Variants in CAMK2G observed in about 807,000 individuals in gnomAD.
CAMK2G encodes calcium/calmodulin-dependent protein kinase type II subunit gamma.
Under a neutral mutation model 88.7 loss-of-function variants are expected in CAMK2G, and 23 were observed. The ratio of observed to expected loss-of-function variants is 0.26; its 90% CI spans 0.19 to 0.37. The LOEUF (loss-of-function observed/expected upper bound fraction) is 0.37. CAMK2G is among the 10% of genes least tolerant of loss of function. The pLI, the probability that CAMK2G is intolerant of heterozygous loss-of-function variation, is 1.00. For missense variants in CAMK2G, 476 were observed against 780.8 expected (o/e 0.61, Z 4.65); for synonymous variants, 263 against 294.8 (o/e 0.89, Z 1.11).
At chr10:73,847,447 T>G in intron 9 of CAMK2G, 100 bp from the exon 10 acceptor site, 1 of 1,297,846 alleles carries the variant, frequency 7.7e-7, no homozygotes, top group Non-Finnish European at 1.1e-6. Context: ...TGGGATACTC[T>G]GTGGTACCTA....
intron 2 of CAMK2G, among the ~76,000 whole-genome samples, chr10:73,865,431 C>A (rs1466167538): frequency 6.6e-6 from 1 of 152,210 alleles, no homozygotes; most frequent in African/African-American, 2.4e-5. Context: ...CTACCTGCCC[C>A]GCTCTCCCCG....
At chr10:73,861,018 A>C (rs1004242174) in intron 2 of CAMK2G, 129 bp from the exon 3 acceptor site, 3 of 697,954 alleles carry the variant, frequency 4.3e-6, no homozygotes, top group Middle Eastern at 4.9e-4. Context: ...TAATGCAGCA[A>C]GTCATGGCAA....
intron 21 of CAMK2G, chr10:73,816,019 T>G: frequency 2.0e-6 from 2 of 985,302 alleles, no homozygotes; most frequent in Non-Finnish European, 2.4e-6. Context: ...AGTTTATATA[T>G]GTAGCTGAGA....
rs1258408147 is a variant in CAMK2G at position 73,874,418 on chromosome 10, T to C, written c.44A>G (p.Gln15Arg). 1 of 1,514,006 alleles carries C rather than the reference T, an allele frequency of 6.6e-7. No homozygotes were observed. Among genetic ancestry groups the C allele is most frequent in the Non-Finnish European group, 8.9e-7 (1 of 1,121,672 alleles). The allele number at this position is 1,514,006 out of a possible 1,614,324, so 93.8% of individuals were successfully genotyped here. A position where few individuals can be genotyped will look rare whatever the true frequency, so the allele number is the denominator to read the frequency against. ...ATCTRFTDDY[Q>R]LFEELGKGAF... ...GTACTTGCCAAGCTCCTCGAAGAGC[T>C]GGTAGTCGTCGGTGAAACGGGTGCA... The change falls in exon 1 of 23, where the codon CAG becomes CGG. Residue 15 changes from glutamine (Q) to arginine (R), a missense_variant. Transcript: ENST00000423381.
chr10:73,873,600 T>C, intron 1 of CAMK2G: 1 of 886,336 alleles, frequency 1.1e-6, no homozygotes, highest in Non-Finnish European at 1.4e-6. Flanking sequence ...TCTCACTGCA[T>C]CCCGGCTCAA....
intron 9 of CAMK2G, 87 bp downstream of exon 9, chr10:73,847,901 C>T (rs2094361778): frequency 1.2e-6 from 1 of 806,540 alleles, no homozygotes; most frequent in Non-Finnish European, 2.1e-6. Flanking sequence ...ACGTGACACA[C>T]TAAACAAGCC....
At chr10:73,826,760 G>A (rs906463055) in intron 15 of CAMK2G, among the ~76,000 whole-genome samples, 1 of 152,194 alleles carries the variant, frequency 6.6e-6, no homozygotes, top group Non-Finnish European at 1.5e-5. Context: ...GACATACACA[G>A]AAAGCATCCT....
chr10:73,856,155 C>T (rs965496031), intron 3 of CAMK2G, among the ~76,000 whole-genome samples: 4 of 152,122 alleles, frequency 2.6e-5, no homozygotes, highest in African/African-American at 7.2e-5. Context: ...ATGGGCTCCA[C>T]GTGCATTACT....
intron 21 of CAMK2G, chr10:73,816,609 G>C: frequency 1.7e-6 from 1 of 594,452 alleles, no homozygotes; most frequent in South Asian, 1.9e-5. Flanking sequence ...TACAGGCACC[G>C]CCACCACGCC....
intron 16 of CAMK2G, among the ~76,000 whole-genome samples, chr10:73,824,827 G>A (rs1183829109): frequency 6.6e-6 from 1 of 152,210 alleles, no homozygotes; most frequent in Non-Finnish European, 1.5e-5. Flanking sequence ...CCATCCAGAG[G>A]TGGGGACCCC....
intron 10 of CAMK2G, among the ~76,000 whole-genome samples, chr10:73,843,632 G>A (rs189934991): frequency 1.9e-4 from 29 of 152,114 alleles, no homozygotes; most frequent in Admixed American, 1.9e-3. Context: ...TCCCCTTGCT[G>A]TTGCTGTCTT....
chr10:73,873,262 C>T, intron 1 of CAMK2G, 179 bp from the exon 2 acceptor site: 5 of 1,145,638 alleles, frequency 4.4e-6, no homozygotes, highest in South Asian at 3.0e-5. Context: ...ACGCGGCCAC[C>T]GCAGGACACT....
intron 2 of CAMK2G, among the ~76,000 whole-genome samples, chr10:73,866,003 C>T (rs1397590201): frequency 6.6e-6 from 1 of 152,200 alleles, no homozygotes; most frequent in Non-Finnish European, 1.5e-5. Flanking sequence ...CCAACCACAG[C>T]CCTCTGCAGG....
At chr10:73,874,080 T>C (rs1281186439) in intron 1 of CAMK2G, among the ~76,000 whole-genome samples, 1 of 133,646 alleles carries the variant, frequency 7.5e-6, no homozygotes, top group Non-Finnish European at 1.6e-5. Flanking sequence ...CCGGGCAGCG[T>C]TGGGAGGTGG....
At chr10:73,865,102 T>C (rs531072357) in intron 2 of CAMK2G, among the ~76,000 whole-genome samples, 2 of 152,292 alleles carry the variant, frequency 1.3e-5, no homozygotes, top group African/African-American at 4.8e-5. Context: ...TGGCCACAGC[T>C]ATCACCAGAG....
At chr10:73,851,895 C>G (rs2094655937) in intron 5 of CAMK2G, among the ~76,000 whole-genome samples, 1 of 152,048 alleles carries the variant, frequency 6.6e-6, no homozygotes, top group Admixed American at 6.6e-5. Flanking sequence ...CAGGCACACA[C>G]CACCACACCC....
intron 14 of CAMK2G, among the ~76,000 whole-genome samples, chr10:73,835,485 G>A (rs1421440695): frequency 6.9e-6 from 1 of 145,646 alleles, no homozygotes; most frequent in Non-Finnish European, 1.5e-5. Flanking sequence ...TTTTTTCACA[G>A]ACAAGGTTTT....
chr10:73,862,321 A>G (rs2095419066), intron 2 of CAMK2G, among the ~76,000 whole-genome samples: 1 of 121,100 alleles, frequency 8.3e-6, no homozygotes, highest in Non-Finnish European at 1.7e-5. Context: ...CGATTTCCCA[A>G]TGCACTTCTC....
chr10:73,852,333 G>C lies in CAMK2G; in HGVS notation c.276-14C>G. On this transcript the variant is annotated splice_polypyrimidine_tract_variant and intron_variant, in intron 4 of 22. Transcript: ENST00000423381. ...CCGCCGGTAACACTGCAACCAACGG[G>C]AAGAAGAGGGTCAGAGGCAGAAAGG... 1 of 1,612,520 alleles carries C rather than the reference G, an allele frequency of 6.2e-7. No homozygotes were observed. The highest frequency in any genetic ancestry group is 8.5e-7 in the Non-Finnish European group (1 of 1,178,500).
Sources: gnomAD v4.1 joint callset for allele counts (sites outside exome capture counted in the v4.1 genomes callset) on GRCh38, gnomAD v4.1.1 for gene constraint, MANE v1.5 for transcripts, NCBI Gene and HGNC (gene_info 2026-07-23, HGNC 2026-07-21) for gene names.